The following CFAP299 variants were observed in gnomAD, a reference collection of about 807,000 sequenced individuals.
The protein encoded by CFAP299 is cilia- and flagella-associated protein 299.
A neutral mutation model predicts 27.0 loss-of-function variants in CFAP299; 21 were observed. That is an observed-to-expected ratio of 0.78 (90% CI 0.55 to 1.12). The LOEUF is 1.12. Among genes scored for constraint, CFAP299 ranks in the 50% most tolerant of loss-of-function variants. CFAP299 has a pLI of 0.00. For synonymous variants in CFAP299, 104 were observed against 98.1 expected, an observed-to-expected ratio of 1.06 and a Z score of -0.36; for missense variants, 310 against 276.6, an observed-to-expected ratio of 1.12 and a Z score of -0.86.
chr4:80,855,808 G>A (rs1051569854), intron 3 of CFAP299, among the ~76,000 whole-genome samples: 2 of 151,960 alleles, frequency 1.3e-5, no homozygotes, highest in Admixed American at 6.6e-5. Flanking sequence ...GTCTATCATT[G>A]TTGGACATTT....
At chr4:80,724,177 A>T (rs1405443551) in intron 3 of CFAP299, among the ~76,000 whole-genome samples, 1 of 152,148 alleles carries the variant, frequency 6.6e-6, no homozygotes. Flanking sequence ...TAAAACTTTC[A>T]AAATATTTCT....
At chr4:80,757,698 G>GTTTT (rs1000084827) in intron 3 of CFAP299, among the ~76,000 whole-genome samples, 1 of 148,816 alleles carries the variant, frequency 6.7e-6, no homozygotes, top group Non-Finnish European at 1.5e-5. Context: ...CAGGTTTTTT[G>GTTTT]TTTTTTTTGT....
At chr4:80,532,220 G>A (rs1422529285) in intron 2 of CFAP299, among the ~76,000 whole-genome samples, 3 of 151,906 alleles carry the variant, frequency 2.0e-5, no homozygotes, top group African/African-American at 7.3e-5. Flanking sequence ...TGTAGATTTT[G>A]GCTCTTTTGG....
chr4:80,765,056 A>G (rs749146856), intron 3 of CFAP299, among the ~76,000 whole-genome samples: 3 of 152,138 alleles, frequency 2.0e-5, no homozygotes, highest in African/African-American at 4.8e-5. Flanking sequence ...AAACGTGCAC[A>G]TTCTGCACAC....
At chr4:80,449,484 T>C (rs1191731612) in intron 2 of CFAP299, among the ~76,000 whole-genome samples, 2 of 151,934 alleles carry the variant, frequency 1.3e-5, no homozygotes, top group Non-Finnish European at 2.9e-5. Flanking sequence ...ATTTCATTTT[T>C]TTTTACTTCA....
chr4:80,468,586 G>C (rs1455591418), intron 2 of CFAP299, among the ~76,000 whole-genome samples: 1 of 152,050 alleles, frequency 6.6e-6, no homozygotes, highest in Non-Finnish European at 1.5e-5. Flanking sequence ...TGTAATCCCA[G>C]CATTTTAGGA....
intron 4 of CFAP299, among the ~76,000 whole-genome samples, chr4:80,902,584 T>C (rs1261129929): frequency 2.1e-5 from 1 of 47,108 alleles, no homozygotes; most frequent in African/African-American, 5.3e-5. Flanking sequence ...ATATGTAATA[T>C]ATACACACAC....
chr4:80,405,006 G>A (rs1726343384), intron 2 of CFAP299, among the ~76,000 whole-genome samples: 1 of 152,082 alleles, frequency 6.6e-6, no homozygotes, highest in Non-Finnish European at 1.5e-5. Flanking sequence ...GTTACATACT[G>A]ACATATATCG....
intron 3 of CFAP299, among the ~76,000 whole-genome samples, chr4:80,860,207 T>A (rs1320703841): frequency 3.9e-5 from 6 of 152,228 alleles, no homozygotes; most frequent in Non-Finnish European, 8.8e-5. Flanking sequence ...TCGCATCGGC[T>A]CCTGAGGCTT....
intron 3 of CFAP299, among the ~76,000 whole-genome samples, chr4:80,591,579 C>T (rs1736795088): frequency 6.7e-6 from 1 of 149,168 alleles, no homozygotes; most frequent in Admixed American, 6.6e-5. Flanking sequence ...TAATCCCTAA[C>T]CCTCTCCACC....
intron 2 of CFAP299, among the ~76,000 whole-genome samples, chr4:80,468,739 G>A (rs1330257854): frequency 6.7e-6 from 1 of 150,188 alleles, no homozygotes; most frequent in East Asian, 2.0e-4. Flanking sequence ...AGAGGCTGAG[G>A]CAGAAGAATC....
intron 3 of CFAP299, among the ~76,000 whole-genome samples, chr4:80,634,636 C>T (rs1739396976): frequency 6.6e-6 from 1 of 152,128 alleles, no homozygotes; most frequent in South Asian, 2.1e-4. Context: ...TATTATCTTA[C>T]AGCATATGGG....
intron 2 of CFAP299, among the ~76,000 whole-genome samples, chr4:80,452,624 A>G (rs1728955757): frequency 6.6e-6 from 1 of 152,220 alleles, no homozygotes; most frequent in Admixed American, 6.5e-5. Flanking sequence ...TAGAGTTAAC[A>G]TTAAAAGGGA....
At chr4:80,687,260 C>G (rs1167697572) in intron 3 of CFAP299, among the ~76,000 whole-genome samples, 3 of 152,146 alleles carry the variant, frequency 2.0e-5, no homozygotes, top group African/African-American at 7.2e-5. Context: ...TTTCACACTC[C>G]CGTGTCACAC....
chr4:80,387,384 G>A, intron 2 of CFAP299: 1 of 1,187,074 alleles, frequency 8.4e-7, no homozygotes, highest in Non-Finnish European at 1.3e-6. Flanking sequence ...TGAGACTTGA[G>A]CTGGAAATAG....
chr4:80,864,011 G>C (rs998063500), intron 3 of CFAP299, among the ~76,000 whole-genome samples: 1 of 151,972 alleles, frequency 6.6e-6, no homozygotes, highest in Non-Finnish European at 1.5e-5. Context: ...CCTGGGGCTG[G>C]GGGTGGAGAT....
At chr4:80,566,246 A>G (rs1735276092) in intron 2 of CFAP299, among the ~76,000 whole-genome samples, 1 of 152,122 alleles carries the variant, frequency 6.6e-6, no homozygotes, top group African/African-American at 2.4e-5. Flanking sequence ...AAAGGCATAT[A>G]CAGAGGGTAT....
chr4:80,329,069 A>T, the CFAP299 span, among the ~76,000 whole-genome samples: 4 of 151,846 alleles, frequency 2.6e-5, no homozygotes, highest in Non-Finnish European at 5.9e-5. Context: ...ACAATATAAG[A>T]TTTCTTTTTT....
chr4:80,343,799 TAAAAAAAAAAA>T (rs35187249), intron 1 of CFAP299, among the ~76,000 whole-genome samples: 2 of 75,356 alleles, frequency 2.7e-5, no homozygotes, highest in African/African-American at 6.0e-5. Flanking sequence ...AGACTCCGTC[TAAAAAAAAAAA>T]AAAAAAAAAA....
Sources: allele counts gnomAD v4.1 joint callset (sites outside exome capture counted in the v4.1 genomes callset), GRCh38; gene constraint gnomAD v4.1.1; transcripts MANE v1.5; gene names NCBI Gene and HGNC (gene_info 2026-07-23, HGNC 2026-07-21).